TCF7L1: variants seen among roughly 807,000 people sequenced by gnomAD.
The protein encoded by TCF7L1 is transcription factor 7-like 1.
Under a neutral mutation model 63.7 loss-of-function variants are expected in TCF7L1, and 18 were observed. The ratio of observed to expected loss-of-function variants is 0.28; its 90% confidence interval spans 0.20 to 0.42. The LOEUF (loss-of-function observed/expected upper bound fraction) is 0.42. TCF7L1 is among the 10% of genes least tolerant of loss of function. TCF7L1 has a pLI of 1.00. For synonymous variants in TCF7L1, 355 were observed against 340.9 expected (o/e 1.04, Z -0.46); for missense variants, 654 against 779.3 (o/e 0.84, Z 1.91).
chr2:85,290,895 G>T (rs1367001401), intron 4 of TCF7L1, among the ~76,000 whole-genome samples: 1 of 152,248 alleles, frequency 6.6e-6, no homozygotes, highest in East Asian at 1.9e-4. Flanking sequence ...CAGCCCACCA[G>T]GATGGGAGCT....
At chr2:85,158,659 G>A (rs920338877) in intron 3 of TCF7L1, among the ~76,000 whole-genome samples, 1 of 152,154 alleles carries the variant, frequency 6.6e-6, no homozygotes, top group Non-Finnish European at 1.5e-5. Flanking sequence ...AAAAACTCCC[G>A]GGATTTTCTA....
rs1682229438 is a variant in TCF7L1 at position 85,309,665 on chromosome 2, A to C, written c.*203A>C. The C allele has an allele frequency of 4.4e-6, 2 of 456,842 alleles. No individual in the cohort carries two copies. Among genetic ancestry groups the C allele is most frequent in the South Asian group, 1.3e-4 (2 of 15,758 alleles). The allele number at this position is 456,842 out of a possible 1,614,324, so 28.3% of individuals were successfully genotyped here. ...TTTTTAAAAAACAAAACAAAACAAC[A>C]AAAAAAAATCTTTATAAGAAAGAGA... On this transcript the variant is annotated 3_prime_UTR_variant, in exon 12 of 12. Coordinates refer to ENST00000282111, the MANE Select transcript of TCF7L1 (RefSeq NM_031283.3).
chr2:85,301,581 T>C (rs964761407), intron 4 of TCF7L1, among the ~76,000 whole-genome samples: 1 of 152,244 alleles, frequency 6.6e-6, no homozygotes, highest in African/African-American at 2.4e-5. Flanking sequence ...TTTTTCTCAA[T>C]AGCTTTATAA....
chr2:85,200,758 T>C (rs1282890621), intron 3 of TCF7L1, among the ~76,000 whole-genome samples: 1 of 152,192 alleles, frequency 6.6e-6, no homozygotes, highest in Non-Finnish European at 1.5e-5. Context: ...TTTACTGGAA[T>C]AAGCAGTTTA....
intron 4 of TCF7L1, among the ~76,000 whole-genome samples, chr2:85,291,715 T>G (rs927521862): frequency 6.6e-6 from 1 of 151,786 alleles, no homozygotes; most frequent in African/African-American, 2.4e-5. Flanking sequence ...CGGATTTTGG[T>G]TTTTTGTGCT....
chr2:85,205,413 A>G (rs1238053700), intron 3 of TCF7L1, among the ~76,000 whole-genome samples: 18 of 152,188 alleles, frequency 1.2e-4, no homozygotes, highest in Admixed American at 1.0e-3. Context: ...CCAATTGTCA[A>G]CTAAAGCCTG....
In TCF7L1 at chr2:85,304,275, C is replaced by G; in HGVS notation, c.782C>G (p.Ser261Cys). 6.2e-7 allele frequency: 1 copy of G among 1,614,072 alleles called. No homozygotes were observed. Among genetic ancestry groups the G allele is most frequent in the Non-Finnish European group, 8.5e-7 (1 of 1,179,976 alleles). Residue 261 changes from serine to cysteine, a missense_variant, in exon 7 of 12, where the codon TCC becomes TGC. Around this residue, in one of 3 missense-constraint regions of TCF7L1, gnomAD observed 404 missense variants for 454.8 expected, o/e 0.89. Coordinates refer to ENST00000282111, the MANE Select transcript of TCF7L1 (RefSeq NM_031283.3). ...LVPQQGQPMYSLPPGGFRHPY... is the reference protein window; with the variant it reads ...LVPQQGQPMYCLPPGGFRHPY... ...CACAGGCAAGGCCAGCCCATGTACT[C>G]CCTTCCTCCCGGTGGCTTCCGGCAC...
intron 3 of TCF7L1, among the ~76,000 whole-genome samples, chr2:85,234,131 C>CTTTTTTTTT (rs35508338): frequency 3.2e-4 from 21 of 65,240 alleles, no homozygotes; most frequent in Non-Finnish European, 5.0e-4. Context: ...TTTTTCTTTT[C>CTTTTTTTTT]TTTTTTTTTT....
intron 3 of TCF7L1, among the ~76,000 whole-genome samples, chr2:85,231,806 G>T (rs1680086851): frequency 6.6e-6 from 1 of 152,186 alleles, no homozygotes; most frequent in Non-Finnish European, 1.5e-5. Context: ...GTGTTGGTGG[G>T]TTTATCTCTT....
At chr2:85,248,304 C>T (rs1257171170) in intron 3 of TCF7L1, among the ~76,000 whole-genome samples, 2 of 152,126 alleles carry the variant, frequency 1.3e-5, no homozygotes, top group African/African-American at 2.4e-5. Context: ...GCATGGGAAC[C>T]GTCTGAAGAG....
chr2:85,197,190 C>G (rs1679176873), intron 3 of TCF7L1, among the ~76,000 whole-genome samples: 1 of 152,202 alleles, frequency 6.6e-6, no homozygotes, highest in South Asian at 2.1e-4. Context: ...GAAGGTAGAT[C>G]ACCTGAGGTC....
chr2:85,279,912 A>G (rs1483521470), intron 3 of TCF7L1, among the ~76,000 whole-genome samples: 1 of 152,212 alleles, frequency 6.6e-6, no homozygotes, highest in Non-Finnish European at 1.5e-5. Context: ...AGGCACGACC[A>G]GTGTGGTCTC....
intron 3 of TCF7L1, among the ~76,000 whole-genome samples, chr2:85,174,099 A>G (rs1366519087): frequency 6.6e-6 from 1 of 152,176 alleles, no homozygotes; most frequent in Non-Finnish European, 1.5e-5. Flanking sequence ...TTGTGCAACC[A>G]TCACCACTAT....
rs534351978 is a variant in TCF7L1, at chr2:85,269,704, G to T, written c.442-13791G>T. Among the ~76,000 whole-genome samples the T allele has an allele frequency of 1.4e-4, 21 of 152,338 alleles. 1 individual carries two copies. The South Asian group carries it at 4.3e-3, about 32-fold the overall frequency. ...TAGGTACTAAAAAATAGGAGGTGTT[G>T]TTTAATAGTATTGAGATGGGAACTT... On this transcript the variant is annotated intron_variant, in intron 3 of 11. Coordinates refer to ENST00000282111, the MANE Select transcript of TCF7L1 (RefSeq NM_031283.3).
chr2:85,251,119 T>C (rs965487468), intron 3 of TCF7L1, among the ~76,000 whole-genome samples: 1 of 152,222 alleles, frequency 6.6e-6, no homozygotes, highest in Non-Finnish European at 1.5e-5. Flanking sequence ...AGGGCCCTAC[T>C]TTGTATTTAG....
chr2:85,182,185 G>GGA (rs1178481648), intron 3 of TCF7L1, among the ~76,000 whole-genome samples: 3 of 152,154 alleles, frequency 2.0e-5, no homozygotes, highest in Non-Finnish European at 4.4e-5. Context: ...TCGTCAGATG[G>GGA]GAGATGGACA....
intron 3 of TCF7L1, among the ~76,000 whole-genome samples, chr2:85,267,477 C>T (rs891453412): frequency 6.6e-6 from 1 of 151,838 alleles, no homozygotes. Flanking sequence ...TGGTGAACCC[C>T]TGTCTTTACT....
chr2:85,211,481 G>A (rs946292400), intron 3 of TCF7L1, among the ~76,000 whole-genome samples: 4 of 152,204 alleles, frequency 2.6e-5, no homozygotes, highest in Admixed American at 6.5e-5. Context: ...GTGCTGGCTC[G>A]TAGTGGGATC....
At chr2:85,271,968 A>T (rs556650425) in intron 3 of TCF7L1, among the ~76,000 whole-genome samples, 68 of 152,330 alleles carry the variant, frequency 4.5e-4, no homozygotes, top group Non-Finnish European at 8.7e-4. Flanking sequence ...CAACTACCCT[A>T]TTCTTGGACA....
Sources: allele counts gnomAD v4.1 joint callset (sites outside exome capture counted in the v4.1 genomes callset), GRCh38; gene constraint gnomAD v4.1.1; regional missense constraint gnomAD v4.1.1; transcripts MANE v1.5; gene names NCBI Gene and HGNC (gene_info 2026-07-23, HGNC 2026-07-21).